Variants in LHFPL3 observed in about 807,000 individuals in gnomAD.
LHFPL3 encodes LHFPL tetraspan subfamily member 3 protein.
Under a neutral mutation model 19.3 loss-of-function variants are expected in LHFPL3, and 5 were observed. That is an observed-to-expected ratio of 0.26 (90% CI 0.14 to 0.54). The LOEUF is 0.54. Ranked by LOEUF, LHFPL3 falls within the 20% of genes least tolerant of loss-of-function variation. The pLI, the probability that LHFPL3 is intolerant of heterozygous loss-of-function variation, is 0.94. For missense variants in LHFPL3, 249 were observed against 307.4 expected, an observed-to-expected ratio of 0.81 and a Z score of 1.42; for synonymous variants, 133 against 126.2, an observed-to-expected ratio of 1.05 and a Z score of -0.36.
chr7:104,718,394 G>C (rs910383281), intron 1 of LHFPL3, among the ~76,000 whole-genome samples: 1 of 152,170 alleles, frequency 6.6e-6, no homozygotes, highest in African/African-American at 2.4e-5. Flanking sequence ...TTTCCAAACG[G>C]GTCTTTTGGG....
chr7:104,492,450 G>A (rs1051260299), intron 1 of LHFPL3, among the ~76,000 whole-genome samples: 1 of 152,150 alleles, frequency 6.6e-6, no homozygotes, highest in African/African-American at 2.4e-5. Flanking sequence ...GTCAGACCCG[G>A]GACCATGTTG....
intron 1 of LHFPL3, among the ~76,000 whole-genome samples, chr7:104,732,333 G>C (rs1489062890): frequency 1.3e-5 from 2 of 152,110 alleles, no homozygotes; most frequent in Non-Finnish European, 2.9e-5. Flanking sequence ...GGTAGAATTC[G>C]GCTGTGAATC....
At chr7:104,756,923 G>A (rs1357132766) in intron 2 of LHFPL3, among the ~76,000 whole-genome samples, 2 of 152,148 alleles carry the variant, frequency 1.3e-5, no homozygotes, top group Middle Eastern at 3.2e-3. Flanking sequence ...TTTCACTGAT[G>A]CTAAAATTAA....
chr7:104,639,877 T>G (rs1451946241), intron 1 of LHFPL3, among the ~76,000 whole-genome samples: 1 of 152,240 alleles, frequency 6.6e-6, no homozygotes, highest in Non-Finnish European at 1.5e-5. Flanking sequence ...ATTTCCCATA[T>G]GTCAGAACTC....
At chr7:104,525,049 C>T (rs1390567743) in intron 1 of LHFPL3, among the ~76,000 whole-genome samples, 1 of 152,026 alleles carries the variant, frequency 6.6e-6, no homozygotes, top group East Asian at 1.9e-4. Context: ...TTTAACAGCT[C>T]CTTTAGCTTG....
chr7:104,669,970 TTTAG>T (rs1463526995), intron 1 of LHFPL3, among the ~76,000 whole-genome samples: 3 of 152,086 alleles, frequency 2.0e-5, no homozygotes, highest in Non-Finnish European at 2.9e-5. Context: ...ATTTCTACCT[TTTAG>T]TTTTTTTCCT....
At chr7:104,847,459 C>T (rs767947661) in intron 2 of LHFPL3, among the ~76,000 whole-genome samples, 2 of 152,166 alleles carry the variant, frequency 1.3e-5, no homozygotes, top group Non-Finnish European at 2.9e-5. Flanking sequence ...TATGCAATGT[C>T]GTTTTTTTAA....
chr7:104,400,082 T>G (rs1791280969), intron 1 of LHFPL3, among the ~76,000 whole-genome samples: 1 of 93,164 alleles, frequency 1.1e-5, no homozygotes, highest in East Asian at 3.5e-4. Context: ...CCAGCCTGGG[T>G]GACAAGATCA....
chr7:104,643,449 C>A (rs1791872463), intron 1 of LHFPL3, among the ~76,000 whole-genome samples: 1 of 152,110 alleles, frequency 6.6e-6, no homozygotes, highest in Non-Finnish European at 1.5e-5. Context: ...CTACTACTAG[C>A]ACAAGGACTG....
intron 1 of LHFPL3, among the ~76,000 whole-genome samples, chr7:104,435,627 G>A (rs1792089452): frequency 6.6e-6 from 1 of 150,504 alleles, no homozygotes; most frequent in Non-Finnish European, 1.5e-5. Flanking sequence ...TTTGAAGCAA[G>A]ATATTTTCTG....
intron 2 of LHFPL3, among the ~76,000 whole-genome samples, chr7:104,898,713 G>A (rs915995846): frequency 6.6e-6 from 1 of 152,098 alleles, no homozygotes; most frequent in Admixed American, 6.5e-5. Context: ...CCAGCACTCC[G>A]GGAGGCTGAG....
At chr7:104,409,277 G>GA (rs201810404) in intron 1 of LHFPL3, among the ~76,000 whole-genome samples, 2,330 of 151,156 alleles carry the variant, frequency 0.015, 24 homozygotes, top group Middle Eastern at 0.041. Context: ...CCCACATCTT[G>GA]AATTGCTAAA....
intron 2 of LHFPL3, among the ~76,000 whole-genome samples, chr7:104,883,225 T>G (rs561774527): frequency 6.6e-6 from 1 of 152,126 alleles, no homozygotes; most frequent in African/African-American, 2.4e-5. Flanking sequence ...TATGGCAAGA[T>G]AGTTTTGCCG....
chr7:104,520,624 A>C (rs1236977463), intron 1 of LHFPL3, among the ~76,000 whole-genome samples: 36 of 142,374 alleles, frequency 2.5e-4, no homozygotes, highest in Admixed American at 4.3e-4. Flanking sequence ...ACAATTTCAG[A>C]TCCTGTTATT....
chr7:104,474,488 C>A lies in LHFPL3; in HGVS notation c.445+145264C>A, dbSNP rs931453659. Among the ~76,000 whole-genome samples the A allele has an allele frequency of 1.7e-4, 26 of 151,848 alleles. 1 individual carries two copies. Among genetic ancestry groups the A allele is most frequent in the African/African-American group, 6.0e-4 (25 of 41,342 alleles). On this transcript the variant is annotated intron_variant, in intron 1 of 2. Coordinates refer to ENST00000424859, the MANE Select transcript of LHFPL3 (RefSeq NM_199000.3). Reference sequence around the variant, plus strand: ...GACCATCCTGGCTAACATAGTGAAACCCTGTCTCTACTAAAAATACAAAAT... The same window carrying A: ...GACCATCCTGGCTAACATAGTGAAAACCTGTCTCTACTAAAAATACAAAAT...
intron 2 of LHFPL3, among the ~76,000 whole-genome samples, chr7:104,748,777 G>T (rs1228294544): frequency 1.3e-5 from 2 of 152,092 alleles, no homozygotes; most frequent in East Asian, 3.9e-4. Context: ...GGTTCCCCGG[G>T]TCCCCTTATT....
intron 2 of LHFPL3, among the ~76,000 whole-genome samples, chr7:104,876,765 C>G (rs1435692822): frequency 2.6e-5 from 4 of 152,206 alleles, no homozygotes; most frequent in Non-Finnish European, 4.4e-5. Flanking sequence ...ACCCAACCAT[C>G]CCATTACTGG....
intron 2 of LHFPL3, among the ~76,000 whole-genome samples, chr7:104,775,831 TC>T (rs1224043048): frequency 2.1e-5 from 3 of 143,636 alleles, no homozygotes; most frequent in African/African-American, 7.8e-5. Flanking sequence ...TCTTCTAGGT[TC>T]CCTGGGAGTT....
At chr7:104,735,537 T>C (rs1793796309) in intron 1 of LHFPL3, among the ~76,000 whole-genome samples, 1 of 152,240 alleles carries the variant, frequency 6.6e-6, no homozygotes, top group South Asian at 2.1e-4. Flanking sequence ...TCTGATCTGC[T>C]GGTGTGCTGT....
Sources: allele counts gnomAD v4.1 joint callset (sites outside exome capture counted in the v4.1 genomes callset), GRCh38; gene constraint gnomAD v4.1.1; transcripts MANE v1.5; gene names NCBI Gene and HGNC (gene_info 2026-07-23, HGNC 2026-07-21).